Variants in KCTD8 observed in about 807,000 individuals in gnomAD.
KCTD8 encodes the protein BTB/POZ domain-containing protein KCTD8.
In KCTD8, 27 loss-of-function variants were observed where a neutral mutation model predicts 31.5. The ratio of observed to expected loss-of-function variants is 0.86; its 90% CI spans 0.63 to 1.18. KCTD8 has a LOEUF of 1.18. Ranked by LOEUF, KCTD8 falls within the 50% of genes most tolerant of loss-of-function variation. The pLI is 0.00. For missense variants in KCTD8, 658 were observed against 647.7 expected, an observed-to-expected ratio of 1.02 and a Z score of -0.17; for synonymous variants, 290 against 280.0, an observed-to-expected ratio of 1.04 and a Z score of -0.36.
chr4:44,349,828 TATTC>T (rs1287296698), intron 1 of KCTD8, among the ~76,000 whole-genome samples: 1 of 152,134 alleles, frequency 6.6e-6, no homozygotes, highest in African/African-American at 2.4e-5. Context: ...AAATATTTAT[TATTC>T]ATTATTTTAA....
At chr4:44,314,611 A>C (rs977978165) in intron 1 of KCTD8, among the ~76,000 whole-genome samples, 58 of 152,072 alleles carry the variant, frequency 3.8e-4, no homozygotes, top group African/African-American at 1.4e-3. Flanking sequence ...ATTTTTATGG[A>C]TATCTCACTG....
intron 1 of KCTD8, among the ~76,000 whole-genome samples, chr4:44,297,375 C>T (rs1717465794): frequency 1.3e-5 from 2 of 152,002 alleles, no homozygotes; most frequent in Admixed American, 6.6e-5. Flanking sequence ...ATAACATGGT[C>T]CCCTGTTTCT....
chr4:44,310,096 A>C (rs1468194533), intron 1 of KCTD8, among the ~76,000 whole-genome samples: 1 of 152,166 alleles, frequency 6.6e-6, no homozygotes, highest in Admixed American at 6.5e-5. Context: ...TTGAGAAGAA[A>C]TATAACCTTT....
chr4:44,386,043 A>C (rs1720204136), intron 1 of KCTD8, among the ~76,000 whole-genome samples: 1 of 151,604 alleles, frequency 6.6e-6, no homozygotes, highest in Non-Finnish European at 1.5e-5. Flanking sequence ...ACTTAAAAAA[A>C]AACGGTTGAT....
intron 1 of KCTD8, among the ~76,000 whole-genome samples, chr4:44,316,813 A>G (rs1337734249): frequency 6.8e-6 from 1 of 147,740 alleles, no homozygotes; most frequent in Non-Finnish European, 1.5e-5. Context: ...AAAAAAAAAA[A>G]AAAAAAAAAA....
At chr4:44,317,228 C>CCTTTTT (rs1718156783) in intron 1 of KCTD8, among the ~76,000 whole-genome samples, 1 of 36,536 alleles carries the variant, frequency 2.7e-5, no homozygotes, top group African/African-American at 1.2e-4. Context: ...TGGGTGCTTT[C>CCTTTTT]TTTTTTTTTT....
intron 1 of KCTD8, among the ~76,000 whole-genome samples, chr4:44,294,561 G>A (rs1256403443): frequency 1.3e-5 from 2 of 152,106 alleles, no homozygotes; most frequent in Non-Finnish European, 1.5e-5. Context: ...TTGAAATAGA[G>A]TGTCTATTCA....
At chr4:44,397,446 G>A (rs982465255) in intron 1 of KCTD8, among the ~76,000 whole-genome samples, 1 of 152,222 alleles carries the variant, frequency 6.6e-6, no homozygotes, top group Non-Finnish European at 1.5e-5. Context: ...GCATGTGTGT[G>A]TGGGTATGAG....
chr4:44,415,990 C>T (rs547980028), intron 1 of KCTD8, among the ~76,000 whole-genome samples: 50 of 152,302 alleles, frequency 3.3e-4, no homozygotes, highest in Admixed American at 3.3e-3. Context: ...CCTGCCAGCA[C>T]TCAACTCCAA....
intron 1 of KCTD8, among the ~76,000 whole-genome samples, chr4:44,413,337 A>C (rs1285597994): frequency 6.6e-6 from 1 of 152,210 alleles, no homozygotes; most frequent in Non-Finnish European, 1.5e-5. Flanking sequence ...TAAAATGAGC[A>C]GTTTGATGGA....
At chr4:44,372,562 G>A (rs1178717271) in intron 1 of KCTD8, among the ~76,000 whole-genome samples, 1 of 152,074 alleles carries the variant, frequency 6.6e-6, no homozygotes, top group Non-Finnish European at 1.5e-5. Flanking sequence ...AAGAAAAAGA[G>A]GATGTCTTCT....
intron 1 of KCTD8, among the ~76,000 whole-genome samples, chr4:44,194,024 G>A (rs1367306883): frequency 6.6e-6 from 1 of 152,216 alleles, no homozygotes; most frequent in Non-Finnish European, 1.5e-5. Context: ...TGAATCCTAA[G>A]ACTATTCTTA....
chr4:44,233,271 C>T (rs1341782897), intron 1 of KCTD8, among the ~76,000 whole-genome samples: 1 of 152,014 alleles, frequency 6.6e-6, no homozygotes, highest in South Asian at 2.1e-4. Flanking sequence ...TATTTTCTGC[C>T]TTTTTAGTAT....
intron 1 of KCTD8, among the ~76,000 whole-genome samples, chr4:44,414,595 T>C (rs1196037055): frequency 6.6e-6 from 1 of 152,236 alleles, no homozygotes; most frequent in East Asian, 1.9e-4. Flanking sequence ...CCAGTCTTCC[T>C]GCAGTCTGGT....
At chr4:44,226,254 A>G (rs1333548555) in intron 1 of KCTD8, among the ~76,000 whole-genome samples, 1 of 151,726 alleles carries the variant, frequency 6.6e-6, no homozygotes, top group Non-Finnish European at 1.5e-5. Flanking sequence ...ATGCATTCTC[A>G]TTGTTCAATT....
intron 1 of KCTD8, among the ~76,000 whole-genome samples, chr4:44,299,371 A>C (rs141349961): frequency 1.3e-5 from 2 of 152,278 alleles, no homozygotes; most frequent in East Asian, 3.9e-4. Flanking sequence ...TGAAAATCCA[A>C]GATATTTTTA....
At chr4:44,186,757 T>C (rs1048111533) in intron 1 of KCTD8, among the ~76,000 whole-genome samples, 6 of 152,232 alleles carry the variant, frequency 3.9e-5, no homozygotes, top group African/African-American at 1.2e-4. Context: ...TAGTCACTTA[T>C]GGGATAGAGA....
chr4:44,415,785 G>T (rs1235296155), intron 1 of KCTD8, among the ~76,000 whole-genome samples: 1 of 152,230 alleles, frequency 6.6e-6, no homozygotes, highest in Non-Finnish European at 1.5e-5. Flanking sequence ...AGACGTGCTG[G>T]AAAGTCTAAA....
intron 1 of KCTD8, among the ~76,000 whole-genome samples, chr4:44,358,007 T>A (rs1719389525): frequency 6.6e-6 from 1 of 152,030 alleles, no homozygotes; most frequent in South Asian, 2.1e-4. Context: ...CAACAACCCA[T>A]CATCTACATT....
Sources: gnomAD v4.1 joint callset for allele counts (sites outside exome capture counted in the v4.1 genomes callset) on GRCh38, gnomAD v4.1.1 for gene constraint, MANE v1.5 for transcripts, NCBI Gene and HGNC (gene_info 2026-07-23, HGNC 2026-07-21) for gene names.